The following CNTNAP2 variants were observed in gnomAD, a reference collection of about 807,000 sequenced individuals.
The protein encoded by CNTNAP2 is contactin associated protein 2.
A neutral mutation model predicts 155.2 loss-of-function variants in CNTNAP2; 98 were observed. The observed-to-expected ratio is 0.63, with a 90% CI of 0.54 to 0.75. The LOEUF (loss-of-function observed/expected upper bound fraction) is 0.75, where lower values mean the gene tolerates loss of function less well. Among genes scored for constraint, CNTNAP2 ranks in the 30% least tolerant of loss-of-function variants. CNTNAP2 has a pLI of 0.00. For synonymous variants in CNTNAP2, 651 were observed against 631.2 expected (o/e 1.03, Z -0.47); for missense variants, 1,727 against 1,688.1 (o/e 1.02, Z -0.40).
intron 3 of CNTNAP2, among the ~76,000 whole-genome samples, chr7:147,043,659 G>C (rs1431401899): frequency 1.3e-5 from 2 of 152,194 alleles, no homozygotes; most frequent in African/African-American, 4.8e-5. Flanking sequence ...ATGCCATTTA[G>C]TCTTTCATTC....
chr7:147,551,568 T>C (rs1562992951), intron 11 of CNTNAP2, among the ~76,000 whole-genome samples: 5 of 152,184 alleles, frequency 3.3e-5, no homozygotes, highest in African/African-American at 1.2e-4. Context: ...ACCTGTCCTA[T>C]TATAAAACAA....
intron 1 of CNTNAP2, among the ~76,000 whole-genome samples, chr7:146,578,304 C>T (rs984803287): frequency 6.6e-6 from 1 of 152,048 alleles, no homozygotes; most frequent in Admixed American, 6.6e-5. Context: ...ATTAGTGAGT[C>T]TGTATTCAAT....
intron 3 of CNTNAP2, among the ~76,000 whole-genome samples, chr7:147,015,487 A>T (rs933193056): frequency 5.9e-5 from 9 of 152,240 alleles, no homozygotes; most frequent in African/African-American, 1.9e-4. Flanking sequence ...GCCCTATAAC[A>T]TCTAAAGACG....
chr7:146,929,324 A>T (rs1012093494), intron 3 of CNTNAP2, among the ~76,000 whole-genome samples: 3 of 152,176 alleles, frequency 2.0e-5, no homozygotes, highest in African/African-American at 7.2e-5. Context: ...TACCCAGGCA[A>T]ACAGGGTCTG....
chr7:147,104,133 T>C (rs984881208), intron 4 of CNTNAP2, among the ~76,000 whole-genome samples: 2 of 152,104 alleles, frequency 1.3e-5, no homozygotes, highest in Admixed American at 1.3e-4. Context: ...AAAATGTTAA[T>C]ATTAGAGGAA....
chr7:147,832,668 ATATAT>A (rs951119564), intron 13 of CNTNAP2, among the ~76,000 whole-genome samples: 2,447 of 145,584 alleles, frequency 0.017, 64 homozygotes, highest in African/African-American at 0.056. Context: ...ATATATTTCA[ATATAT>A]TATATTTCAT....
chr7:146,698,990 A>G (rs571217524), intron 1 of CNTNAP2, among the ~76,000 whole-genome samples: 55 of 151,750 alleles, frequency 3.6e-4, no homozygotes, highest in Non-Finnish European at 5.4e-4. Context: ...TGGAGTTCTC[A>G]TCTCTATGCC....
intron 17 of CNTNAP2, among the ~76,000 whole-genome samples, chr7:148,161,142 G>T (rs1232415870): frequency 6.6e-6 from 1 of 152,088 alleles, no homozygotes; most frequent in Non-Finnish European, 1.5e-5. Context: ...CTTATAGTTT[G>T]TCATTGTCCT....
chr7:147,753,112 G>T (rs1031890705), intron 13 of CNTNAP2, among the ~76,000 whole-genome samples: 9 of 152,128 alleles, frequency 5.9e-5, no homozygotes, highest in East Asian at 1.9e-4. Flanking sequence ...ATACATAGAG[G>T]TTCTTTCTCT....
chr7:146,860,349 A>C (rs917711808), intron 3 of CNTNAP2, among the ~76,000 whole-genome samples: 1 of 152,180 alleles, frequency 6.6e-6, no homozygotes, highest in African/African-American at 2.4e-5. Context: ...AGGCCAGGCA[A>C]AAGTGGAACA....
intron 1 of CNTNAP2, among the ~76,000 whole-genome samples, chr7:146,702,536 T>C (rs1353979608): frequency 6.6e-6 from 1 of 152,128 alleles, no homozygotes; most frequent in Non-Finnish European, 1.5e-5. Flanking sequence ...ACAGTTGCCA[T>C]TAGCCACATG....
At chr7:146,277,582 G>A (rs1386945944) in intron 1 of CNTNAP2, among the ~76,000 whole-genome samples, 1 of 152,158 alleles carries the variant, frequency 6.6e-6, no homozygotes. Context: ...TAATCCTGCT[G>A]CTTTGGAAGA....
chr7:147,904,099 C>T, intron 14 of CNTNAP2, among the ~76,000 whole-genome samples: 1 of 152,012 alleles, frequency 6.6e-6, no homozygotes, highest in Non-Finnish European at 1.5e-5. Flanking sequence ...CTGCGGGGAG[C>T]ACAACCACCT....
intron 1 of CNTNAP2, among the ~76,000 whole-genome samples, chr7:146,286,722 G>A (rs958707036): frequency 4.3e-4 from 66 of 152,156 alleles, no homozygotes; most frequent in African/African-American, 1.5e-3. Flanking sequence ...ATCCATAAAC[G>A]TTCTACTGTT....
chr7:148,348,202 G>A (rs77529529), intron 21 of CNTNAP2, among the ~76,000 whole-genome samples: 3,132 of 152,290 alleles, frequency 0.021, 115 homozygotes, highest in African/African-American at 0.072. Context: ...CTGGGTCTGA[G>A]TGGGCCCCAT....
intron 1 of CNTNAP2, among the ~76,000 whole-genome samples, chr7:146,338,903 C>A (rs539368504): frequency 3.9e-5 from 6 of 151,972 alleles, no homozygotes; most frequent in African/African-American, 1.2e-4. Flanking sequence ...AGGTTTCAGG[C>A]CAGGCACTAT....
At chr7:146,751,770 T>C (rs1408969722) in intron 1 of CNTNAP2, among the ~76,000 whole-genome samples, 1 of 151,976 alleles carries the variant, frequency 6.6e-6, no homozygotes, top group Non-Finnish European at 1.5e-5. Flanking sequence ...ATGCTCTCCC[T>C]CTCCTTGCCC....
At chr7:146,458,334 A>T (rs1309452078) in intron 1 of CNTNAP2, among the ~76,000 whole-genome samples, 1 of 152,198 alleles carries the variant, frequency 6.6e-6, no homozygotes, top group East Asian at 1.9e-4. Flanking sequence ...AGACTGTGAG[A>T]TGCATGTTAG....
At chr7:146,731,578 C>G (rs190076334) in intron 1 of CNTNAP2, among the ~76,000 whole-genome samples, 1 of 152,020 alleles carries the variant, frequency 6.6e-6, no homozygotes, top group Non-Finnish European at 1.5e-5. Context: ...AAAAAATGAT[C>G]TGTAGGCTGT....
Sources: allele counts gnomAD v4.1 joint callset (sites outside exome capture counted in the v4.1 genomes callset), GRCh38; gene constraint gnomAD v4.1.1; transcripts MANE v1.5; gene names NCBI Gene and HGNC (gene_info 2026-07-23, HGNC 2026-07-21).